Variants in BCL7A observed in about 807,000 individuals in gnomAD.
BCL7A encodes B-cell CLL/lymphoma 7 protein family member A.
In BCL7A, 11 loss-of-function variants were observed where a neutral mutation model predicts 28.4. That is an observed-to-expected ratio of 0.39 (90% CI 0.24 to 0.64). The LOEUF (loss-of-function observed/expected upper bound fraction) is 0.64. Among genes scored for constraint, BCL7A ranks in the 30% least tolerant of loss-of-function variants. The pLI is 0.50. For missense variants in BCL7A, 222 were observed against 274.8 expected (o/e 0.81, Z 1.36); for synonymous variants, 123 against 103.3 (o/e 1.19, Z -1.15).
At chr12:122,022,854 C>G (rs1202021522) in intron 1 of BCL7A, among the ~76,000 whole-genome samples, 3 of 151,848 alleles carry the variant, frequency 2.0e-5, no homozygotes, top group African/African-American at 7.2e-5. Flanking sequence ...GAGCCAGCGG[C>G]CAGGGGCGCG....
chr12:122,023,794 A>T (rs1320021938), intron 1 of BCL7A, among the ~76,000 whole-genome samples: 1 of 152,126 alleles, frequency 6.6e-6, no homozygotes, highest in Non-Finnish European at 1.5e-5. Context: ...AGCCCCCTCT[A>T]CTGTGGGATT....
intron 1 of BCL7A, among the ~76,000 whole-genome samples, chr12:122,023,583 C>A (rs972069576): frequency 6.6e-6 from 1 of 152,230 alleles, no homozygotes; most frequent in Non-Finnish European, 1.5e-5. Context: ...GCCGGATGCC[C>A]GGCCGTGGGC....
intron 1 of BCL7A, among the ~76,000 whole-genome samples, chr12:122,022,801 G>A (rs1465306066): frequency 6.6e-6 from 1 of 151,758 alleles, no homozygotes; most frequent in Admixed American, 6.6e-5. Flanking sequence ...GCTGCCTGGA[G>A]CGAGGGCTCT....
intron 3 of BCL7A, among the ~76,000 whole-genome samples, chr12:122,038,501 C>G (rs887397676): frequency 6.7e-6 from 1 of 149,182 alleles, no homozygotes; most frequent in Non-Finnish European, 1.5e-5. Flanking sequence ...TCAAGAAAGC[C>G]CCCCCAACCA....
At chr12:122,049,031 A>ATATATATAT (rs1383363229) in intron 4 of BCL7A, among the ~76,000 whole-genome samples, 2 of 69,726 alleles carry the variant, frequency 2.9e-5, no homozygotes, top group Non-Finnish European at 5.8e-5. Context: ...AAAAAAAAAA[A>ATATATATAT]AAAAATATAT....
intron 4 of BCL7A, among the ~76,000 whole-genome samples, chr12:122,049,366 G>C (rs1373758980): frequency 6.6e-6 from 1 of 151,936 alleles, no homozygotes; most frequent in Admixed American, 6.6e-5. Flanking sequence ...TCGCTCAATG[G>C]GATAAGCAAT....
At chr12:122,047,677 A>G (rs1183580033) in intron 4 of BCL7A, among the ~76,000 whole-genome samples, 1 of 151,652 alleles carries the variant, frequency 6.6e-6, no homozygotes, top group African/African-American at 2.4e-5. Context: ...GACATGCACC[A>G]CCATGCCCTG....
intron 2 of BCL7A, among the ~76,000 whole-genome samples, chr12:122,031,954 C>G (rs1231049930): frequency 6.6e-6 from 1 of 152,202 alleles, no homozygotes; most frequent in Non-Finnish European, 1.5e-5. Flanking sequence ...CCATTCCCCC[C>G]TGCCTGGACT....
At chr12:122,032,878 C>T (rs116925679) in intron 2 of BCL7A, among the ~76,000 whole-genome samples, 5,772 of 152,240 alleles carry the variant, frequency 0.038, 145 homozygotes, top group Middle Eastern at 0.061. Context: ...GGCGATGGTT[C>T]TCGGCCTGGC....
At chr12:122,049,740 T>G (rs1049195462) in intron 4 of BCL7A, among the ~76,000 whole-genome samples, 1 of 152,142 alleles carries the variant, frequency 6.6e-6, no homozygotes, top group South Asian at 2.1e-4. Flanking sequence ...GTCTTTTGTT[T>G]TGCACATGCA....
intron 4 of BCL7A, among the ~76,000 whole-genome samples, chr12:122,044,913 A>C (rs1884040185): frequency 6.6e-6 from 1 of 152,216 alleles, no homozygotes; most frequent in South Asian, 2.1e-4. Context: ...AGAATTATAA[A>C]GTAGGAAAGG....
At chr12:122,041,415 C>G (rs1481042035) in intron 3 of BCL7A, among the ~76,000 whole-genome samples, 1 of 152,122 alleles carries the variant, frequency 6.6e-6, no homozygotes, top group East Asian at 1.9e-4. Context: ...TGCAGCATGG[C>G]CCCCAGAAAG....
intron 3 of BCL7A, among the ~76,000 whole-genome samples, chr12:122,043,129 A>G (rs913987382): frequency 6.6e-6 from 1 of 151,814 alleles, no homozygotes; most frequent in African/African-American, 2.4e-5. Context: ...ACTCAGCTCC[A>G]GGCTGGATGC....
rs974569061 is a variant in BCL7A, at chr12:122,052,878, G to C, written c.440-1927G>C. On this transcript the variant is annotated intron_variant, in intron 4 of 5. Coordinates refer to ENST00000261822, the MANE Select transcript of BCL7A (RefSeq NM_001024808.3). ...TTGTATTTTTTTAGTCGGGGGGGGG[G>C]GGGGGTTTGCCATGTTGGCCAGGCT... is the stretch of plus-strand genomic sequence containing the variant. 4.4e-5 allele frequency among the ~76,000 whole-genome samples: 6 copies of C among 135,878 alleles called. 1 individual carries two copies. Among genetic ancestry groups the C allele is most frequent in the South Asian group, 5.7e-4 (2 of 3,486 alleles). 89.1% of individuals were successfully genotyped at this position (135,878 alleles called of 152,430 possible).
chr12:122,030,498 C>T (rs1252804131), intron 1 of BCL7A, among the ~76,000 whole-genome samples: 5 of 152,216 alleles, frequency 3.3e-5, no homozygotes, highest in African/African-American at 1.2e-4. Flanking sequence ...AGGGCAACCA[C>T]CCTATGTGGT....
At chr12:122,022,233 G>T in intron 1 of BCL7A, 50 bp downstream of exon 1, 1 of 1,305,020 alleles carries the variant, frequency 7.7e-7, no homozygotes, top group Non-Finnish European at 1.0e-6. Context: ...CCCCGAGCCC[G>T]AGCGCGGCTC....
intron 1 of BCL7A, among the ~76,000 whole-genome samples, chr12:122,024,145 G>A (rs552061983): frequency 2.6e-5 from 4 of 152,340 alleles, no homozygotes; most frequent in South Asian, 2.1e-4. Flanking sequence ...TGTAGTTGGA[G>A]CTTGAGGGGC....
chr12:122,029,352 T>C lies in BCL7A; in HGVS notation c.93-1348T>C, dbSNP rs2135841100. Among the ~76,000 whole-genome samples the C allele has an allele frequency of 6.6e-6, 1 of 152,148 alleles. No individual in the cohort carries two copies. Among genetic ancestry groups the C allele is most frequent in the African/African-American group, 2.4e-5 (1 of 41,478 alleles). On this transcript the variant is annotated intron_variant, in intron 1 of 5. Coordinates refer to ENST00000261822, the MANE Select transcript of BCL7A (RefSeq NM_001024808.3). The surrounding 1 kb of genome is among the most constrained non-coding windows in gnomAD (Gnocchi z 4.3). ...GGCTGGGTTTGAGTATGCTCCGTCA[T>C]CCCGCAACCCCCGTGGTGACAGGGT...
intron 4 of BCL7A, among the ~76,000 whole-genome samples, chr12:122,050,300 G>C (rs1317883234): frequency 1.7e-5 from 2 of 118,112 alleles, no homozygotes; most frequent in African/African-American, 3.0e-5. Context: ...CTTTATTGTG[G>C]GGGGGGGGCC....
Sources: gnomAD v4.1 joint callset for allele counts (sites outside exome capture counted in the v4.1 genomes callset) on GRCh38, gnomAD v4.1.1 for gene constraint, Gnocchi (gnomAD v3.1) non-coding constraint, MANE v1.5 for transcripts, NCBI Gene and HGNC (gene_info 2026-07-23, HGNC 2026-07-21) for gene names.